The following CCDC157 variants were observed in gnomAD, a reference collection of about 807,000 sequenced individuals.
CCDC157 encodes the protein coiled-coil domain-containing protein 157.
CCDC157 carries 60 observed loss-of-function variants against 70.9 expected under a neutral mutation model. The ratio of observed to expected loss-of-function variants is 0.85; its 90% CI spans 0.69 to 1.05. The LOEUF is 1.05. CCDC157 is among the 50% of genes least tolerant of loss of function. The pLI is 0.00. For synonymous variants in CCDC157, 373 were observed against 422.4 expected (o/e 0.88, Z 1.43); for missense variants, 943 against 984.2 (o/e 0.96, Z 0.56).
intron 1 of CCDC157, among the ~76,000 whole-genome samples, chr22:30,358,681 C>T (rs1932117708): frequency 1.3e-5 from 2 of 152,208 alleles, no homozygotes; most frequent in Admixed American, 1.3e-4. Context: ...AGGAAAGGCT[C>T]CTGCTCTTCT....
intron 1 of CCDC157, among the ~76,000 whole-genome samples, chr22:30,360,504 C>CAAAA (rs35535032): frequency 1.5e-5 from 2 of 130,134 alleles, no homozygotes; most frequent in African/African-American, 5.8e-5. Flanking sequence ...GACTCCGTCT[C>CAAAA]AAAAAAAAAA....
chr22:30,357,295 G>A, intron 1 of CCDC157, among the ~76,000 whole-genome samples, 163 bp downstream of exon 1: 1 of 152,154 alleles, frequency 6.6e-6, no homozygotes, highest in East Asian at 1.9e-4. Context: ...CAGGCTCACC[G>A]CCTAAGAGCC....
intron 2 of CCDC157, among the ~76,000 whole-genome samples, chr22:30,363,571 G>C (rs1400507068): frequency 6.6e-6 from 1 of 151,648 alleles, no homozygotes; most frequent in Non-Finnish European, 1.5e-5. Flanking sequence ...GGGATTCTCT[G>C]TATAAAAACG....
At chr22:30,375,343 G>C in intron 9 of CCDC157, 136 bp from the exon 10 acceptor site, 1 of 749,438 alleles carries the variant, frequency 1.3e-6, no homozygotes, top group Non-Finnish European at 2.2e-6. Flanking sequence ...TTGGGGGACA[G>C]GGAAGGGGGA....
intron 4 of CCDC157, 143 bp downstream of exon 4, chr22:30,369,746 AATCAAGCCC>A: frequency 1.6e-6 from 1 of 634,224 alleles, no homozygotes; most frequent in South Asian, 2.9e-5. Flanking sequence ...CCGCCCTCCC[AATCAAGCCC>A]CACACAGTGT....
chr22:30,363,368 C>T (rs1489725662), intron 2 of CCDC157, among the ~76,000 whole-genome samples: 1 of 152,142 alleles, frequency 6.6e-6, no homozygotes, highest in African/African-American at 2.4e-5. Context: ...GCCGTGGTTA[C>T]TGCTAATAAT....
At position 30,373,682 on chromosome 22, in the gene CCDC157, A is replaced by G; in HGVS notation, c.1421A>G (p.Glu474Gly). 6.4e-7 allele frequency: 1 copy of G among 1,555,438 alleles called. No individual in the cohort carries two copies. The highest frequency in any genetic ancestry group is 8.7e-7 in the Non-Finnish European group (1 of 1,149,668). The change falls in exon 8 of 12, where the codon GAG becomes GGG. Residue 474 changes from glutamate to glycine, a missense_variant. Physicochemically the swap from Glu to Gly is moderately conservative, Grantham distance 98. Coordinates refer to ENST00000338306, the MANE Select transcript of CCDC157 (RefSeq NM_001017437.5). ...GAGGAGCTGCGGGGCAGCCTGGACG[A>G]GGCTGAGGCCCAGCGGGCCCGCGTG... is the stretch of plus-strand genomic sequence containing the variant. ...EREELRGSLD[E>G]AEAQRARVEE... is the part of the protein sequence containing the mutation.
intron 6 of CCDC157, 78 bp downstream of exon 6, chr22:30,371,805 C>T (rs970576158): frequency 7.8e-7 from 1 of 1,289,112 alleles, no homozygotes; most frequent in African/African-American, 1.5e-5. Flanking sequence ...CCATCTCTGT[C>T]CCCTGAGCAT....
chr22:30,376,642 G>A lies in CCDC157; in HGVS notation c.2156G>A (p.Cys719Tyr). ...GAGGGTGTGACCCACTTGGACACCT[G>A]CACCCAGAACCCCATCAAGGTCTTG... ...LLEGVTHLDT[C>Y]TQNPIKVLVR... Residue 719 changes from cysteine (C) to tyrosine (Y), a missense_variant, in exon 12 of 12, where the codon TGC becomes TAC. By Grantham distance (194) the Cys-to-Tyr change is radical. Coordinates refer to ENST00000338306, the MANE Select transcript of CCDC157 (RefSeq NM_001017437.5). 6.2e-7 allele frequency: 1 copy of A among 1,613,828 alleles called. No homozygotes were observed. Among genetic ancestry groups the A allele is most frequent in the East Asian group, 2.2e-5 (1 of 44,868 alleles).
chr22:30,363,814 A>G lies in CCDC157; in HGVS notation c.-12+1700A>G, dbSNP rs577284364. Among the ~76,000 whole-genome samples the G allele has an allele frequency of 1.5e-4, 22 of 151,510 alleles. No individual in the cohort carries two copies. The South Asian group carries it at 4.6e-3, about 32-fold the overall frequency. On this transcript the variant is annotated intron_variant, in intron 2 of 11. Coordinates refer to ENST00000338306, the MANE Select transcript of CCDC157 (RefSeq NM_001017437.5). ...GCAGTTCTCCTGTCTCAGCCTCCCAAGTATCTGGGATTATAGGCATCCGCC... is the reference window on the plus strand; with the variant it reads ...GCAGTTCTCCTGTCTCAGCCTCCCAGGTATCTGGGATTATAGGCATCCGCC...
At position 30,375,668 on chromosome 22, in the gene CCDC157, G is replaced by T; in HGVS notation, c.1857+5G>T. 1.2e-6 allele frequency: 2 copies of T among 1,607,402 alleles called. No homozygotes were observed. The highest frequency in any genetic ancestry group is 8.5e-7 in the Non-Finnish European group (1 of 1,176,858). On this transcript the variant is annotated splice_donor_5th_base_variant and intron_variant, in intron 10 of 11. Transcript: ENST00000338306. ...GCCCAGCAGGGTGGCCTCAAGGTGG[G>T]CCTGAGAGGGCGGGCCCTTGGGGAC...
intron 7 of CCDC157, chr22:30,372,638 A>T: frequency 4.6e-6 from 1 of 216,842 alleles, no homozygotes. Context: ...GTGGCCTTTG[A>T]GCTGGACGCC....
At chr22:30,372,355 CAG>C (rs1933008500) in intron 7 of CCDC157, 69 bp downstream of exon 7, 1 of 1,445,876 alleles carries the variant, frequency 6.9e-7, no homozygotes, top group African/African-American at 1.4e-5. Flanking sequence ...GCTCCACTGT[CAG>C]GGAATGGGGG....
intron 1 of CCDC157, among the ~76,000 whole-genome samples, chr22:30,357,400 C>G (rs1194577413): frequency 6.6e-6 from 1 of 152,228 alleles, no homozygotes; most frequent in Non-Finnish European, 1.5e-5. Flanking sequence ...GCTTTTCCCA[C>G]GGAACCTGCC....
upstream of CCDC157, chr22:30,356,832 G>C: frequency 7.6e-7 from 1 of 1,310,384 alleles, no homozygotes. Context: ...CTCGGTGTCG[G>C]TGAGCGGTGC....
Position 30,376,568 on chromosome 22 carries a change from C to A in CCDC157, c.2082C>A (p.Cys694Ter), listed in dbSNP as rs1012674404. ...GCACATCCCCACCTCGGCAGCCCTG[C>A]ACATCCCCATCTCGGCAGCCCTGCA... ...QPCTSPPRQP[C>*]TSPSRQPCSQ... The change falls in exon 12 of 12, where the codon TGC becomes TGA. Residue 694 changes from cysteine to a stop codon, truncating the protein, a stop_gained. Transcript: ENST00000338306. LOFTEE classifies it low-confidence loss of function (END_TRUNC). The A allele has an allele frequency of 2.5e-6, 4 of 1,613,418 alleles. No individual in the cohort carries two copies. In the African/African-American group the frequency reaches 5.3e-5, roughly 22 times the overall value.
rs377414522 is a variant in CCDC157 at position 30,366,256 on chromosome 22, C to T, written c.248+8C>T. 8 of 1,613,556 alleles carry T rather than the reference C, an allele frequency of 5.0e-6. No homozygotes were observed. Among genetic ancestry groups the T allele is most frequent in the Middle Eastern group, 1.7e-4 (1 of 6,058 alleles). On this transcript the variant is annotated splice_region_variant and intron_variant, in intron 3 of 11. Transcript: ENST00000338306. Reference sequence around the variant, plus strand: ...GGAGCTGGTCATCGACAGGTGAGGGCCTTGACCAAGCCTGGTCATCTCAGG... The same window carrying T: ...GGAGCTGGTCATCGACAGGTGAGGGTCTTGACCAAGCCTGGTCATCTCAGG...
intron 3 of CCDC157, among the ~76,000 whole-genome samples, chr22:30,368,457 C>A (rs1932805855): frequency 6.6e-6 from 1 of 152,222 alleles, no homozygotes; most frequent in Non-Finnish European, 1.5e-5. Flanking sequence ...AGGGTGGGAT[C>A]ACGGCTGAGG....
chr22:30,373,894 A>C, intron 8 of CCDC157, 29 bp from the exon 9 acceptor site: 1 of 1,591,344 alleles, frequency 6.3e-7, no homozygotes, highest in South Asian at 1.1e-5. Flanking sequence ...CTCACTCAGG[A>C]GCCAGGCCTG....
Sources: allele counts gnomAD v4.1 joint callset (sites outside exome capture counted in the v4.1 genomes callset), GRCh38; gene constraint gnomAD v4.1.1; transcripts MANE v1.5; gene names NCBI Gene and HGNC (gene_info 2026-07-23, HGNC 2026-07-21).